The following ITGA1 variants were observed in gnomAD, a reference collection of about 807,000 sequenced individuals.
ITGA1 encodes the protein integrin alpha-1.
A neutral mutation model predicts 145.9 loss-of-function variants in ITGA1; 85 were observed. That is an observed-to-expected ratio of 0.58 (90% confidence interval 0.49 to 0.70). ITGA1 has a LOEUF of 0.70. Among genes scored for constraint, ITGA1 ranks in the 30% least tolerant of loss-of-function variants. The pLI, the probability that ITGA1 is intolerant of heterozygous loss-of-function variation, is 0.00. For missense variants in ITGA1, 1,351 were observed against 1,418.7 expected, an observed-to-expected ratio of 0.95 and a Z score of 0.77; for synonymous variants, 520 against 495.3, an observed-to-expected ratio of 1.05 and a Z score of -0.66.
intron 1 of ITGA1, among the ~76,000 whole-genome samples, chr5:52,847,650 T>A (rs1483572345): frequency 6.6e-6 from 1 of 152,218 alleles, no homozygotes; most frequent in South Asian, 2.1e-4. Context: ...TCTCCCAGGT[T>A]CAAGCGGTGC....
chr5:52,944,989 G>C lies in ITGA1; in HGVS notation c.3332G>C (p.Ser1111Thr). 1 of 1,613,454 alleles carries C rather than the reference G, an allele frequency of 6.2e-7. No individual in the cohort carries two copies. Among genetic ancestry groups the C allele is most frequent in the East Asian group, 2.2e-5 (1 of 44,798 alleles). ...CTTACTATAAGGGGAGAACTTCGGA[G>C]TGAAAATGCATCTCTGGTTTTAAGT... ...LNLTIRGELR[S>T]ENASLVLSSS... is the part of the protein sequence containing the mutation. Residue 1111 changes from serine (S) to threonine (T), a missense_variant, in exon 27 of 29, where the codon AGT becomes ACT. By Grantham distance (58) the Ser-to-Thr change is moderately conservative. Transcript: ENST00000282588.
chr5:52,840,656 C>T (rs918304104), intron 1 of ITGA1, among the ~76,000 whole-genome samples: 1 of 151,850 alleles, frequency 6.6e-6, no homozygotes. Context: ...TCTGTAGATA[C>T]TACAAAGGAA....
intron 2 of ITGA1, among the ~76,000 whole-genome samples, chr5:52,852,172 A>C (rs1749440703): frequency 6.6e-6 from 1 of 152,204 alleles, no homozygotes; most frequent in African/African-American, 2.4e-5. Context: ...TGTGTTGGTA[A>C]GTAAACAGGT....
chr5:52,927,044 C>G (rs1750823113), intron 19 of ITGA1, among the ~76,000 whole-genome samples: 1 of 152,016 alleles, frequency 6.6e-6, no homozygotes, highest in Admixed American at 6.6e-5. Context: ...AATGGCATAT[C>G]TCATGTTCAA....
At chr5:52,860,596 C>T (rs1749583776) in intron 2 of ITGA1, among the ~76,000 whole-genome samples, 1 of 152,140 alleles carries the variant, frequency 6.6e-6, no homozygotes, top group Non-Finnish European at 1.5e-5. Context: ...TAATCTAACA[C>T]AATCCCAAGT....
At chr5:52,949,611 G>C (rs1751188295) in intron 28 of ITGA1, among the ~76,000 whole-genome samples, 1 of 152,110 alleles carries the variant, frequency 6.6e-6, no homozygotes, top group Non-Finnish European at 1.5e-5. Flanking sequence ...CAGGCTATAG[G>C]GTAGGGCTCT....
intron 15 of ITGA1, among the ~76,000 whole-genome samples, chr5:52,917,042 G>T (rs1179835818): frequency 6.6e-6 from 1 of 152,138 alleles, no homozygotes; most frequent in Non-Finnish European, 1.5e-5. Context: ...GGGACACGAA[G>T]ACTAAGATTC....
At chr5:52,945,658 C>T (rs943618286) in intron 27 of ITGA1, among the ~76,000 whole-genome samples, 28 of 152,266 alleles carry the variant, frequency 1.8e-4, no homozygotes, top group Admixed American at 5.2e-4. Flanking sequence ...GTACTTGTTA[C>T]ACATGCAGGC....
intron 1 of ITGA1, among the ~76,000 whole-genome samples, chr5:52,792,106 GACT>G (rs1268840166): frequency 2.6e-5 from 4 of 152,128 alleles, no homozygotes; most frequent in East Asian, 3.8e-4. Flanking sequence ...ACTCAAGTAA[GACT>G]ACTATTTCTC....
intron 1 of ITGA1, among the ~76,000 whole-genome samples, chr5:52,839,046 A>T (rs1002687821): frequency 2.0e-5 from 3 of 152,156 alleles, no homozygotes; most frequent in African/African-American, 7.2e-5. Flanking sequence ...GCAGTGAGCC[A>T]TGATTGCACC....
At chr5:52,853,198 T>A (rs986854251) in intron 2 of ITGA1, among the ~76,000 whole-genome samples, 6 of 152,182 alleles carry the variant, frequency 3.9e-5, no homozygotes, top group Non-Finnish European at 8.8e-5. Context: ...AATTTAAAAG[T>A]AAGCAAATTA....
chr5:52,894,039 G>A (rs987297773), intron 9 of ITGA1, among the ~76,000 whole-genome samples, 199 bp downstream of exon 9: 2 of 151,590 alleles, frequency 1.3e-5, no homozygotes, highest in Admixed American at 1.3e-4. Context: ...GTCTGCTAGA[G>A]ACTCTCTTTG....
At chr5:52,890,576 T>A (rs150198463) in intron 8 of ITGA1, among the ~76,000 whole-genome samples, 14 of 152,206 alleles carry the variant, frequency 9.2e-5, no homozygotes, top group African/African-American at 3.4e-4. Flanking sequence ...CTTTCTTTTT[T>A]AAAATGTATC....
At chr5:52,939,489 G>C in intron 24 of ITGA1, 101 bp from the exon 25 acceptor site, 1 of 741,796 alleles carries the variant, frequency 1.3e-6, no homozygotes, top group Non-Finnish European at 2.3e-6. Flanking sequence ...CTAATATATG[G>C]CAATGGCTGT....
At chr5:52,794,918 T>C (rs1165277648) in intron 1 of ITGA1, among the ~76,000 whole-genome samples, 2 of 152,014 alleles carry the variant, frequency 1.3e-5, no homozygotes, top group African/African-American at 4.8e-5. Context: ...CATTATGTGT[T>C]ATTCTAAAAT....
At chr5:52,868,608 A>C (rs1277307158) in intron 6 of ITGA1, among the ~76,000 whole-genome samples, 4 of 152,198 alleles carry the variant, frequency 2.6e-5, no homozygotes, top group Non-Finnish European at 5.9e-5. Flanking sequence ...GGCTCTATTC[A>C]GACAAATTCA....
At chr5:52,918,148 T>C (rs1340679058) in intron 15 of ITGA1, among the ~76,000 whole-genome samples, 1 of 152,228 alleles carries the variant, frequency 6.6e-6, no homozygotes, top group African/African-American at 2.4e-5. Context: ...TAATAGCTTT[T>C]GACCTGGCAT....
At position 52,826,436 on chromosome 5, in the gene ITGA1, G is replaced by A. The variant is rs10073237; in HGVS notation, c.62-22929G>A. 3.0e-3 allele frequency among the ~76,000 whole-genome samples: 456 copies of A among 152,350 alleles called. 3 individuals carry two copies. The highest frequency in any genetic ancestry group is 0.011 in the African/African-American group (444 of 41,578). On this transcript the variant is annotated intron_variant, in intron 1 of 28. Coordinates refer to ENST00000282588, the MANE Select transcript of ITGA1 (RefSeq NM_181501.2). ...AGCAGCAAGTGCTGATGTAGAAGCT[G>A]CAGCAAGTTATCCAGAAGATCTAGC...
At chr5:52,828,405 T>C (rs1200208902) in intron 1 of ITGA1, among the ~76,000 whole-genome samples, 1 of 152,220 alleles carries the variant, frequency 6.6e-6, no homozygotes, top group Non-Finnish European at 1.5e-5. Context: ...TCCCTAATAA[T>C]TAATGCTGTT....
Sources: allele counts gnomAD v4.1 joint callset (sites outside exome capture counted in the v4.1 genomes callset), GRCh38; gene constraint gnomAD v4.1.1; transcripts MANE v1.5; gene names NCBI Gene and HGNC (gene_info 2026-07-23, HGNC 2026-07-21).